The following TMC8 variants were observed in gnomAD, a reference collection of about 807,000 sequenced individuals.
TMC8 encodes the protein transmembrane channel like 8.
TMC8 carries 71 observed loss-of-function variants against 76.0 expected under a neutral mutation model. That is an observed-to-expected ratio of 0.93 (90% confidence interval 0.77 to 1.14). The LOEUF (loss-of-function observed/expected upper bound fraction) is 1.14, where lower values mean the gene tolerates loss of function less well. Ranked by LOEUF, TMC8 falls within the 50% of genes most tolerant of loss-of-function variation. The pLI, the probability that TMC8 is intolerant of heterozygous loss-of-function variation, is 0.00. For synonymous variants in TMC8, 433 were observed against 433.8 expected (o/e 1.00, Z 0.02); for missense variants, 924 against 947.9 (o/e 0.97, Z 0.33).
At position 78,138,638 on chromosome 17, in the gene TMC8, G is replaced by A. The variant is rs764753165; in HGVS notation, c.1729G>A (p.Glu577Lys). ...NYSAPWQVVP[E>K]LVALGLPPIG... Reference sequence around the variant, plus strand: ...CTCAGCACCCTGGCAAGTGGTCCCGGAGCTGGTGGCCCTTGGGCTCCCGCC... The same window carrying A: ...CTCAGCACCCTGGCAAGTGGTCCCGAAGCTGGTGGCCCTTGGGCTCCCGCC... The change falls in exon 14 of 16, where the codon GAG becomes AAG. Residue 577 changes from glutamate (E) to lysine (K), a missense_variant. Coordinates refer to ENST00000318430, the MANE Select transcript of TMC8 (RefSeq NM_152468.5). 1 of 1,613,972 alleles carries A rather than the reference G, an allele frequency of 6.2e-7. No individual in the cohort carries two copies. The highest frequency in any genetic ancestry group is 8.5e-7 in the Non-Finnish European group (1 of 1,180,038).
chr17:78,137,434 T>C (rs2075263129), intron 10 of TMC8, 76 bp downstream of exon 10: 6 of 1,607,948 alleles, frequency 3.7e-6, no homozygotes, highest in Non-Finnish European at 5.1e-6. Flanking sequence ...TGCAGAGCCC[T>C]GTTCCTGCCC....
At chr17:78,134,272 A>G (rs2075151504) in intron 7 of TMC8, 122 bp from the exon 8 acceptor site, 11 of 1,236,512 alleles carry the variant, frequency 8.9e-6, no homozygotes, top group Non-Finnish European at 1.3e-5. Flanking sequence ...TGACAGTGTG[A>G]GAGTTTGTGA....
intron 8 of TMC8, 116 bp from the exon 9 acceptor site, chr17:78,134,754 A>C: frequency 6.4e-7 from 1 of 1,562,120 alleles, no homozygotes; most frequent in Non-Finnish European, 8.7e-7. Flanking sequence ...GGAATAGCTT[A>C]CAGGCGACCC....
chr17:78,132,386 A>T lies in TMC8; in HGVS notation c.326A>T (p.Tyr109Phe), dbSNP rs748223948. The change falls in exon 4 of 16, where the codon TAC (tyrosine) becomes TTC (phenylalanine). Residue 109 changes from tyrosine to phenylalanine, a missense_variant. Coordinates refer to ENST00000318430, the MANE Select transcript of TMC8 (RefSeq NM_152468.5). ...CTCTTCGGCACAGGAATTCGGTCCT[A>T]CTTCACCTTCCTCCGCTTCCTGCTG... Reference protein sequence around the residue: ...GGLFGTGIRSYFTFLRFLLLL... With the variant: ...GGLFGTGIRSFFTFLRFLLLL... The T allele has an allele frequency of 1.3e-5, 21 of 1,613,032 alleles. No individual in the cohort carries two copies. In the South Asian group the frequency reaches 2.3e-4, roughly 18 times the overall value.
Position 78,141,074 on chromosome 17 carries a change from G to C in TMC8, c.2143G>C (p.Ala715Pro). The stretch of plus-strand genomic sequence containing the variant: ...TGGACAGCACGGTGCCCCGGCCTCC[G>C]CCCGCAGATTCCGCTTCCCCAGCGG... ...CPGQHGAPAS[A>P]RRFRFPSGAE... Residue 715 changes from alanine (A) to proline (P), a missense_variant, in exon 16 of 16, where the codon GCC becomes CCC. Ala to Pro is a conservative substitution (Grantham distance 27, BLOSUM62 -1). Transcript: ENST00000318430. 1 of 1,587,942 alleles carries C rather than the reference G, an allele frequency of 6.3e-7. No individual in the cohort carries two copies. Among genetic ancestry groups the C allele is most frequent in the Non-Finnish European group, 8.5e-7 (1 of 1,170,370 alleles).
rs879037472 is a variant in TMC8, at chr17:78,133,656, C to G, written c.668+114C>G. 5.9e-5 allele frequency: 92 copies of G among 1,562,908 alleles called. 1 individual carries two copies. In the South Asian group the frequency reaches 1.0e-3, roughly 17 times the overall value. ...AAGGCCCATGGCCCGGCACAGCAGG[C>G]TCCTGGGTGCTTCCTCAGCCCAGGC... On this transcript the variant is annotated intron_variant, in intron 6 of 15. Transcript: ENST00000318430.
intron 1 of TMC8, 41 bp from the exon 2 acceptor site, chr17:78,131,240 A>C: frequency 2.4e-6 from 1 of 423,224 alleles, no homozygotes; most frequent in East Asian, 5.2e-5. Context: ...GTGCCGGTCC[A>C]GACTTTCTGT....
At position 78,138,685 on chromosome 17, in the gene TMC8, C is replaced by G. The variant is rs2075298469; in HGVS notation, c.1776C>G (p.His592Gln). ...CGCCCATTGGCCAGCGTGCCCTCCA[C>G]TACCTGGGCTCCCACGCCTTCAGCT... ...GLPPIGQRALHYLGSHAFSFP... is the reference protein window; with the variant it reads ...GLPPIGQRALQYLGSHAFSFP... Residue 592 changes from histidine to glutamine, a missense_variant, in exon 14 of 16, where the codon CAC becomes CAG. His to Gln is a conservative substitution (Grantham distance 24). Coordinates refer to ENST00000318430, the MANE Select transcript of TMC8 (RefSeq NM_152468.5). 6.2e-7 allele frequency: 1 copy of G among 1,613,138 alleles called. No individual in the cohort carries two copies. Among genetic ancestry groups the G allele is most frequent in the Non-Finnish European group, 8.5e-7 (1 of 1,180,036 alleles).
chr17:78,138,637 G>C lies in TMC8; in HGVS notation c.1728G>C (p.Pro576=), dbSNP rs753149174. ...TNYSAPWQVV[P]ELVALGLPPI... is the part of the protein sequence containing the mutation. ...ACTCAGCACCCTGGCAAGTGGTCCC[G>C]GAGCTGGTGGCCCTTGGGCTCCCGC... Residue 576 remains proline, a synonymous_variant, in exon 14 of 16, where the codon CCG becomes CCC. Coordinates refer to ENST00000318430, the MANE Select transcript of TMC8 (RefSeq NM_152468.5). The C allele has an allele frequency of 6.2e-7, 1 of 1,613,934 alleles. No individual in the cohort carries two copies. The highest frequency in any genetic ancestry group is 8.5e-7 in the Non-Finnish European group (1 of 1,180,034).
chr17:78,139,131 C>T, intron 14 of TMC8, 31 bp from the exon 15 acceptor site: 1 of 1,612,502 alleles, frequency 6.2e-7, no homozygotes, highest in Non-Finnish European at 8.5e-7. Context: ...GCCCCAGGGG[C>T]AACTGACCAC....
At chr17:78,138,941 G>A in intron 14 of TMC8, 4 of 1,536,728 alleles carry the variant, frequency 2.6e-6, no homozygotes, top group Non-Finnish European at 3.5e-6. Flanking sequence ...CCGTGTCTGG[G>A]TGGCTGCAGC....
chr17:78,134,078 G>A lies in TMC8; in HGVS notation c.816+78G>A, dbSNP rs2075137277. On this transcript the variant is annotated intron_variant, in intron 7 of 15. Transcript: ENST00000318430. ...GAGTGCGTGAGAGCCACGTGTTCCAGGTGTGTGCGAGCAAGTGCGACCGTG... is the reference window on the plus strand; with the variant it reads ...GAGTGCGTGAGAGCCACGTGTTCCAAGTGTGTGCGAGCAAGTGCGACCGTG... 1.9e-6 allele frequency: 3 copies of A among 1,604,362 alleles called. No homozygotes were observed. The Admixed American group carries it at 5.0e-5, about 27-fold the overall frequency.
intron 1 of TMC8, 47 bp from the exon 2 acceptor site, chr17:78,131,234 C>A (rs531132629): frequency 2.4e-6 from 1 of 409,698 alleles, no homozygotes; most frequent in East Asian, 5.6e-5. Context: ...TTGCCTGTGC[C>A]GGTCCAGACT....
In TMC8 at chr17:78,141,079, C is replaced by G; in HGVS notation, c.2148C>G (p.Arg716=). The G allele has an allele frequency of 6.3e-7, 1 of 1,586,230 alleles. No individual in the cohort carries two copies. ...AGCACGGTGCCCCGGCCTCCGCCCG[C>G]AGATTCCGCTTCCCCAGCGGCGCGG... ...PGQHGAPASA[R]RFRFPSGAEL Residue 716 remains arginine, a synonymous_variant, in exon 16 of 16, where the codon CGC becomes CGG. Coordinates refer to ENST00000318430, the MANE Select transcript of TMC8 (RefSeq NM_152468.5).
chr17:78,133,490 C>T lies in TMC8; in HGVS notation c.616C>T (p.Leu206Phe), dbSNP rs759778569. The change falls in exon 6 of 16, where the codon CTC (leucine) becomes TTC (phenylalanine). Residue 206 changes from leucine (L) to phenylalanine (F), a missense_variant. Physicochemically the swap from Leu to Phe is conservative, Grantham distance 22. Transcript: ENST00000318430. ...SSVYSIRLAY[L>F]LSPLACLLLC... The stretch of plus-strand genomic sequence containing the variant: ...CGTGTACAGCATCCGCCTGGCCTAC[C>T]TCCTCAGCCCGCTGGCCTGCCTGCT... The T allele has an allele frequency of 6.8e-6, 11 of 1,613,662 alleles. No individual in the cohort carries two copies. Among genetic ancestry groups the T allele is most frequent in the Middle Eastern group, 3.3e-4 (2 of 6,062 alleles).
At chr17:78,140,038 G>A (rs1287894690) in intron 15 of TMC8, among the ~76,000 whole-genome samples, 5 of 152,062 alleles carry the variant, frequency 3.3e-5, no homozygotes, top group African/African-American at 4.8e-5. Context: ...GCAAAACTCC[G>A]TCTCAAAAAA....
In TMC8 at chr17:78,133,258, C is replaced by A. The variant is rs376057; in HGVS notation, c.532-148C>A. The A allele has an allele frequency of 0.11, 142,094 of 1,284,500 alleles. 9,371 individuals are homozygous for A. The highest frequency in any genetic ancestry group is 0.29 in the African/African-American group (19,843 of 68,486). The allele number at this position is 1,284,500 out of a possible 1,614,324, so 79.6% of individuals were successfully genotyped here. On this transcript the variant is annotated intron_variant, in intron 5 of 15. Transcript: ENST00000318430. ...TCTCAAAGCCCTGTGACCGTGGGCACGTTGCCGAACCTCTGTGGGCCCTTG... is the reference window on the plus strand; with the variant it reads ...TCTCAAAGCCCTGTGACCGTGGGCAAGTTGCCGAACCTCTGTGGGCCCTTG...
In TMC8 at chr17:78,138,668, G is replaced by A; in HGVS notation, c.1759G>A (p.Gly587Ser). ...GGTGGCCCTTGGGCTCCCGCCCATT[G>A]GCCAGCGTGCCCTCCACTACCTGGG... Reference protein sequence around the residue: ...ELVALGLPPIGQRALHYLGSH... With the variant: ...ELVALGLPPISQRALHYLGSH... Residue 587 changes from glycine to serine, a missense_variant, in exon 14 of 16, where the codon GGC becomes AGC. Gly to Ser is a moderately conservative substitution (Grantham distance 56, BLOSUM62 0). Coordinates refer to ENST00000318430, the MANE Select transcript of TMC8 (RefSeq NM_152468.5). The A allele has an allele frequency of 2.5e-6, 4 of 1,613,636 alleles. No homozygotes were observed. The highest frequency in any genetic ancestry group is 1.3e-5 in the African/African-American group (1 of 75,070).
intron 5 of TMC8, 24 bp downstream of exon 5, chr17:78,132,894 T>C (rs1310981336): frequency 1.9e-6 from 3 of 1,613,106 alleles, no homozygotes; most frequent in Non-Finnish European, 2.5e-6. Flanking sequence ...GTCCCGGCTA[T>C]GGTCCAGAGT....
Sources: allele counts gnomAD v4.1 joint callset (sites outside exome capture counted in the v4.1 genomes callset), GRCh38; gene constraint gnomAD v4.1.1; transcripts MANE v1.5; gene names NCBI Gene and HGNC (gene_info 2026-07-23, HGNC 2026-07-21).